The following ZNF44 variants were observed in gnomAD, a reference collection of about 807,000 sequenced individuals.
The protein encoded by ZNF44 is zinc finger protein 44, also known as gonadotropin inducible transcription repressor-2.
A neutral mutation model predicts 11.7 loss-of-function variants in ZNF44; 9 were observed. The ratio of observed to expected loss-of-function variants is 0.77; its 90% confidence interval spans 0.46 to 1.35. ZNF44 has a LOEUF of 1.35. Ranked by LOEUF, ZNF44 falls within the 40% of genes most tolerant of loss-of-function variation. ZNF44 has a pLI of 0.00. For synonymous variants in ZNF44, 224 were observed against 242.7 expected (o/e 0.92, Z 0.72); for missense variants, 696 against 743.1 (o/e 0.94, Z 0.74).
Position 12,273,125 on chromosome 19 carries a change from CGATGA to C in ZNF44, c.1125_1129del (p.His376LeufsTer17), listed in dbSNP as rs1018152990. On this transcript the variant is annotated frameshift_variant, in exon 4 of 4. Coordinates refer to ENST00000355684, the MANE Select transcript of ZNF44 (RefSeq NM_016264.4). LOFTEE classifies it low-confidence loss of function (END_TRUNC). The stretch of plus-strand genomic sequence containing the variant: ...CATCATGTGTCTTCGAAAGCTTGAG[CGATGA>C]GATAACAATTTCCCACATTGCTTAC... 11 of 1,613,662 alleles carry C rather than the reference CGATGA, an allele frequency of 6.8e-6. No homozygotes were observed. The highest frequency in any genetic ancestry group is 8.5e-6 in the Non-Finnish European group (10 of 1,179,732).
intron 2 of ZNF44, among the ~76,000 whole-genome samples, chr19:12,234,253 G>A (rs751974955): frequency 6.6e-6 from 1 of 152,110 alleles, no homozygotes; most frequent in Non-Finnish European, 1.5e-5. Context: ...CATGTATGAA[G>A]TTTCTTAGTT....
At chr19:12,276,126 A>G in intron 1 of ZNF44, 44 bp from the exon 2 acceptor site, 2 of 1,580,002 alleles carry the variant, frequency 1.3e-6, no homozygotes, top group Non-Finnish European at 1.7e-6. Context: ...TGAAACTCAC[A>G]GTACTGAGAA....
chr19:12,260,353 A>G (rs1381103375), intron 5 of ZNF44: 3 of 1,078,208 alleles, frequency 2.8e-6, no homozygotes, highest in Non-Finnish European at 4.2e-6. Context: ...GCCACCTCCT[A>G]CGCGCGGACC....
intron 1 of ZNF44, among the ~76,000 whole-genome samples, chr19:12,283,581 G>A (rs564946966): frequency 2.0e-5 from 3 of 152,026 alleles, no homozygotes; most frequent in Admixed American, 6.6e-5. Flanking sequence ...CGCCCTCCTC[G>A]GCCTCCCAAA....
Position 12,273,765 on chromosome 19 carries a change from T to C in ZNF44, c.490A>G (p.Thr164Ala), listed in dbSNP as rs11879168. The change falls in exon 4 of 4, where the codon ACT (threonine) becomes GCT (alanine). Residue 164 changes from threonine (T) to alanine (A), a missense_variant. Physicochemically the swap from Thr to Ala is moderately conservative, Grantham distance 58. Transcript: ENST00000355684. Reference protein sequence around the residue: ...HSFQTCERPHTGKKPYDCKEC... With the variant: ...HSFQTCERPHAGKKPYDCKEC... ...TTACAATCATAGGGTTTCTTTCCAG[T>C]GTGAGGCCTTTCACATGTTTGAAAG... 0.17 allele frequency: 278,942 copies of C among 1,613,956 alleles called. 24,925 individuals carry two copies. Among genetic ancestry groups the C allele is most frequent in the East Asian group, 0.27 (12,024 of 44,872 alleles).
intron 5 of ZNF44, among the ~76,000 whole-genome samples, chr19:12,262,283 CTTT>C (rs1374375012): frequency 3.2e-4 from 49 of 151,702 alleles, no homozygotes; most frequent in Admixed American, 3.2e-3. Flanking sequence ...TCTTTTTTCT[CTTT>C]TTTTGGTGGA....
At chr19:12,276,715 T>G (rs945705651) in intron 1 of ZNF44, among the ~76,000 whole-genome samples, 1 of 152,188 alleles carries the variant, frequency 6.6e-6, no homozygotes, top group Admixed American at 6.5e-5. Flanking sequence ...GAATCTCCAA[T>G]GTGGAAGTAA....
chr19:12,229,867 C>CTCCCAAAGTGCTGGGATTATAGACGT (rs1916085261), intron 3 of ZNF44, among the ~76,000 whole-genome samples: 2 of 152,120 alleles, frequency 1.3e-5, no homozygotes, highest in African/African-American at 4.8e-5. Flanking sequence ...CCGCCTCAGC[C>CTCCCAAAGTGCTGGGATTATAGACGT]TCCCAAAGTG....
intron 5 of ZNF44, among the ~76,000 whole-genome samples, chr19:12,259,304 TATG>T (rs1917399692): frequency 6.6e-6 from 1 of 152,220 alleles, no homozygotes; most frequent in Non-Finnish European, 1.5e-5. Context: ...CTAATTCCTC[TATG>T]ATTATCAGGA....
At chr19:12,225,049 A>C (rs937793460), downstream of ZNF44, 30 of 152,196 alleles carry the variant, frequency 2.0e-4, no homozygotes, top group African/African-American at 6.3e-4. Flanking sequence ...TTTTTGATTA[A>C]GGTGAATTTT....
chr19:12,283,682 T>A (rs1467523264), intron 1 of ZNF44, among the ~76,000 whole-genome samples: 1 of 152,208 alleles, frequency 6.6e-6, no homozygotes, highest in Non-Finnish European at 1.5e-5. Flanking sequence ...GAAAATAAAG[T>A]AGCTTCCAAA....
downstream of ZNF44, among the ~76,000 whole-genome samples, chr19:12,268,754 T>C (rs1917834578): frequency 2.0e-5 from 3 of 151,748 alleles, no homozygotes; most frequent in South Asian, 6.3e-4. Flanking sequence ...TTTTTTTTTT[T>C]TTTTTCTGAG....
chr19:12,276,092 C>A lies in ZNF44; in HGVS notation c.4-10G>T. The A allele has an allele frequency of 6.3e-7, 1 of 1,599,412 alleles. No individual in the cohort carries two copies. Among genetic ancestry groups the A allele is most frequent in the Non-Finnish European group, 8.5e-7 (1 of 1,170,388 alleles). On this transcript the variant is annotated splice_polypyrimidine_tract_variant and intron_variant, in intron 1 of 3. Coordinates refer to ENST00000355684, the MANE Select transcript of ZNF44 (RefSeq NM_016264.4). ...CAAAGGCCACTGAGTCCTGAAACAT[C>A]CCATATGTCCAGAAAAGGAAGGTTG...
exon 8 of ZNF44, chr19:12,247,658 A>G: frequency 1.5e-6 from 2 of 1,349,904 alleles, no homozygotes; most frequent in South Asian, 1.2e-5. Context: ...CAGAACTGCA[A>G]CAATAAAAGG....
intron 1 of ZNF44, among the ~76,000 whole-genome samples, chr19:12,235,468 G>C (rs577666620): frequency 1.1e-4 from 17 of 152,254 alleles, no homozygotes; most frequent in African/African-American, 3.9e-4. Flanking sequence ...ATGCTAGGAG[G>C]CCAACAGAAT....
chr19:12,232,943 GTTATGAAGAAGA>G (rs1361689760), intron 2 of ZNF44, among the ~76,000 whole-genome samples: 3 of 151,610 alleles, frequency 2.0e-5, no homozygotes, highest in Non-Finnish European at 4.4e-5. Flanking sequence ...GAGACTTAAA[GTTATGAAGAAGA>G]AATTGACAGA....
downstream of ZNF44, among the ~76,000 whole-genome samples, chr19:12,246,194 G>A (rs1916763696): frequency 6.6e-6 from 1 of 152,106 alleles, no homozygotes; most frequent in Non-Finnish European, 1.5e-5. Flanking sequence ...AGAAAATTTA[G>A]TTCACGTTAC....
chr19:12,244,382 C>T (rs1200990907), downstream of ZNF44, among the ~76,000 whole-genome samples: 1 of 152,198 alleles, frequency 6.6e-6, no homozygotes, highest in Non-Finnish European at 1.5e-5. Flanking sequence ...GGCCAATCCT[C>T]ACATTTGGCT....
chr19:12,256,420 C>T (rs759805415), intron 5 of ZNF44, among the ~76,000 whole-genome samples: 10 of 151,934 alleles, frequency 6.6e-5, no homozygotes, highest in Non-Finnish European at 1.5e-4. Context: ...ACCTGGGAGG[C>T]GGAGATTGCA....
Sources: gnomAD v4.1 joint callset for allele counts (sites outside exome capture counted in the v4.1 genomes callset) on GRCh38, gnomAD v4.1.1 for gene constraint, MANE v1.5 for transcripts, NCBI Gene and HGNC (gene_info 2026-07-23, HGNC 2026-07-21) for gene names.